Variants in MAF observed in about 807,000 individuals in gnomAD.
MAF encodes MAF bZIP transcription factor.
A neutral mutation model predicts 22.0 loss-of-function variants in MAF; 10 were observed. The observed-to-expected ratio is 0.45, with a 90% confidence interval of 0.28 to 0.77. MAF has a LOEUF of 0.77. Among genes scored for constraint, MAF ranks in the 30% least tolerant of loss-of-function variants. The pLI is 0.12. For synonymous variants in MAF, 337 were observed against 255.8 expected (o/e 1.32, Z -3.03); for missense variants, 544 against 548.4 (o/e 0.99, Z 0.08).
chr16:79,399,473 G>A, the MAF span, among the ~76,000 whole-genome samples: 29 of 152,166 alleles, frequency 1.9e-4, no homozygotes, highest in Admixed American at 6.5e-5. Flanking sequence ...CCATAATTTA[G>A]GTGATAATAC....
the MAF span, among the ~76,000 whole-genome samples, chr16:79,472,097 G>A: frequency 6.6e-6 from 1 of 152,108 alleles, no homozygotes; most frequent in African/African-American, 2.4e-5. Context: ...TGGTTTACAA[G>A]GAGCCACCAT....
chr16:79,547,916 GAGAT>G, the MAF span, among the ~76,000 whole-genome samples: 1 of 120,114 alleles, frequency 8.3e-6, no homozygotes, highest in East Asian at 2.4e-4. Context: ...GAGAGAGAGA[GAGAT>G]AGAGAGAGAG....
chr16:79,459,362 A>G, the MAF span, among the ~76,000 whole-genome samples: 1 of 152,168 alleles, frequency 6.6e-6, no homozygotes, highest in Non-Finnish European at 1.5e-5. Context: ...CAGCGATCAC[A>G]ACATTAAAAA....
chr16:79,229,433 G>GAGCT, the MAF span: 1 of 152,094 alleles, frequency 6.6e-6, no homozygotes, highest in African/African-American at 2.4e-5. Context: ...CCTTCAGATA[G>GAGCT]AGCTGCCTTT....
the MAF span, among the ~76,000 whole-genome samples, chr16:79,338,181 G>A: frequency 3.9e-5 from 6 of 152,194 alleles, no homozygotes; most frequent in African/African-American, 1.4e-4. Flanking sequence ...ATGCATATAT[G>A]GAGACAAGGG....
the MAF span, among the ~76,000 whole-genome samples, chr16:79,268,752 C>A: frequency 6.6e-6 from 1 of 152,162 alleles, no homozygotes; most frequent in African/African-American, 2.4e-5. Context: ...CAAAAGAGGA[C>A]CCCAATCCTG....
the MAF span, chr16:79,212,030 G>T: frequency 3.9e-6 from 6 of 1,536,222 alleles, no homozygotes; most frequent in Middle Eastern, 3.3e-4. Context: ...TTGCTTTCTG[G>T]TGGTGGCCTG....
the MAF span, among the ~76,000 whole-genome samples, chr16:79,401,314 T>C: frequency 5.3e-5 from 8 of 152,336 alleles, no homozygotes; most frequent in South Asian, 1.7e-3. Context: ...ACTTACTGGA[T>C]ACCAGACACT....
downstream of MAF, among the ~76,000 whole-genome samples, chr16:79,592,398 G>A (rs1913241055): frequency 6.6e-6 from 1 of 152,210 alleles, no homozygotes; most frequent in South Asian, 2.1e-4. Flanking sequence ...GCGGAGCAAT[G>A]CCTGGAGAGA....
At chr16:79,208,958 C>G in the MAF span, among the ~76,000 whole-genome samples, 2 of 152,178 alleles carry the variant, frequency 1.3e-5, no homozygotes, top group Non-Finnish European at 2.9e-5. Flanking sequence ...AAGCATGAAT[C>G]TGAGAAGGAG....
chr16:79,428,993 G>T, the MAF span, among the ~76,000 whole-genome samples: 1 of 152,090 alleles, frequency 6.6e-6, no homozygotes, highest in African/African-American at 2.4e-5. Context: ...TGAATAAGTC[G>T]CTCTGGAAAT....
At chr16:79,286,903 C>G in the MAF span, among the ~76,000 whole-genome samples, 1 of 152,114 alleles carries the variant, frequency 6.6e-6, no homozygotes, top group Non-Finnish European at 1.5e-5. Context: ...AACGTATCGA[C>G]GAGTTCTTGG....
At chr16:79,421,956 T>C in the MAF span, among the ~76,000 whole-genome samples, 2 of 152,118 alleles carry the variant, frequency 1.3e-5, no homozygotes, top group Admixed American at 6.5e-5. Flanking sequence ...TTTTGTGTTT[T>C]TAGTAGAGAT....
chr16:79,365,641 T>C, the MAF span, among the ~76,000 whole-genome samples: 1 of 152,240 alleles, frequency 6.6e-6, no homozygotes, highest in African/African-American at 2.4e-5. Flanking sequence ...CAGGGCTCAC[T>C]GGTATGTATG....
At chr16:79,204,937 C>T in the MAF span, 2 of 152,214 alleles carry the variant, frequency 1.3e-5, no homozygotes, top group African/African-American at 4.8e-5. Context: ...TTCGAGTCCA[C>T]CTCTTAAAAC....
At chr16:79,564,496 G>C in the MAF span, among the ~76,000 whole-genome samples, 2 of 152,194 alleles carry the variant, frequency 1.3e-5, no homozygotes, top group African/African-American at 4.8e-5. Flanking sequence ...CTTTGAGCCT[G>C]ATAACTTCCC....
chr16:79,284,699 A>G, the MAF span, among the ~76,000 whole-genome samples: 1 of 152,252 alleles, frequency 6.6e-6, no homozygotes, highest in African/African-American at 2.4e-5. Context: ...CTGGTGTCAC[A>G]GGAAAATGTC....
chr16:79,354,413 T>G, the MAF span, among the ~76,000 whole-genome samples: 2 of 152,244 alleles, frequency 1.3e-5, no homozygotes, highest in Non-Finnish European at 2.9e-5. Flanking sequence ...CACCATTATG[T>G]GTGCTGGGTG....
the MAF span, among the ~76,000 whole-genome samples, chr16:79,323,847 T>G: frequency 6.6e-6 from 1 of 152,120 alleles, no homozygotes; most frequent in East Asian, 1.9e-4. Flanking sequence ...GATATGACCT[T>G]GGGGGAAAGT....
Sources: gnomAD v4.1 joint callset for allele counts (sites outside exome capture counted in the v4.1 genomes callset) on GRCh38, gnomAD v4.1.1 for gene constraint, MANE v1.5 for transcripts, NCBI Gene and HGNC (gene_info 2026-07-23, HGNC 2026-07-21) for gene names.